Variants in CSPP1 observed in about 807,000 individuals in gnomAD.
The protein encoded by CSPP1 is centrosome and spindle pole-associated protein 1.
CSPP1 carries 126 observed loss-of-function variants against 164.4 expected under a neutral mutation model. The ratio of observed to expected loss-of-function variants is 0.77; its 90% CI spans 0.66 to 0.89. The LOEUF (loss-of-function observed/expected upper bound fraction) is 0.89. Among genes scored for constraint, CSPP1 ranks in the 40% least tolerant of loss-of-function variants. The pLI is 0.00. For synonymous variants in CSPP1, 472 were observed against 476.7 expected, an observed-to-expected ratio of 0.99 and a Z score of 0.13; for missense variants, 1,395 against 1,449.8, an observed-to-expected ratio of 0.96 and a Z score of 0.61.
chr8:67,137,487 A>G lies in CSPP1; in HGVS notation c.1859A>G (p.Glu620Gly). Residue 620 changes from glutamate (E) to glycine (G), a missense_variant, in exon 17 of 31, where the codon GAA (glutamate) becomes GGA (glycine). By Grantham distance (98) the Glu-to-Gly change is moderately conservative. Transcript: ENST00000678616. ...GAAAGAGAAGAAAGAAGGAAGAAAGAACGTGAAGAAAAAGAAGAATATGAA... is the reference window on the plus strand; with the variant it reads ...GAAAGAGAAGAAAGAAGGAAGAAAGGACGTGAAGAAAAAGAAGAATATGAA... ...IREREERRKK[E>G]REEKEEYEAK... 1 of 1,543,398 alleles carries G rather than the reference A, an allele frequency of 6.5e-7. No homozygotes were observed.
At chr8:67,175,851 G>T (rs1272481559) in intron 26 of CSPP1, among the ~76,000 whole-genome samples, 1 of 152,180 alleles carries the variant, frequency 6.6e-6, no homozygotes, top group Non-Finnish European at 1.5e-5. Context: ...TTGATGTGGC[G>T]TAAAATCTGT....
chr8:67,082,103 A>G (rs998587234), intron 3 of CSPP1, among the ~76,000 whole-genome samples: 1 of 152,208 alleles, frequency 6.6e-6, no homozygotes, highest in Non-Finnish European at 1.5e-5. Flanking sequence ...GCTGGAGTGC[A>G]GTGGCGCGAT....
At position 67,086,015 on chromosome 8, in the gene CSPP1, T is replaced by A. The variant is rs371630215; in HGVS notation, c.208T>A (p.Tyr70Asn). 7 of 1,358,588 alleles carry A rather than the reference T, an allele frequency of 5.2e-6. No homozygotes were observed. In the South Asian group the frequency reaches 8.2e-5, roughly 16 times the overall value. The allele number at this position is 1,358,588 out of a possible 1,614,324, so 84.2% of individuals were successfully genotyped here. A position where few individuals can be genotyped will look rare whatever the true frequency, so the allele number is the denominator to read the frequency against. ...QQTRGSLGIDYGLSLPLGEDY... is the reference protein window; with the variant it reads ...QQTRGSLGIDNGLSLPLGEDY... Reference sequence around the variant, plus strand: ...AGTTGTTTTTTTTCTAGGAATTGATTATGGATTAAGTTTACCACTTGGAGA... The same window carrying A: ...AGTTGTTTTTTTTCTAGGAATTGATAATGGATTAAGTTTACCACTTGGAGA... The change falls in exon 4 of 31, where the codon TAT becomes AAT. Residue 70 changes from tyrosine to asparagine, a missense_variant. Transcript: ENST00000678616.
intron 28 of CSPP1, among the ~76,000 whole-genome samples, chr8:67,184,713 G>A (rs1833949861): frequency 6.8e-6 from 1 of 147,104 alleles, no homozygotes; most frequent in Non-Finnish European, 1.5e-5. Flanking sequence ...GACAGAGTGA[G>A]ATTCTGTCTA....
chr8:67,133,289 G>A (rs796542959), intron 16 of CSPP1, among the ~76,000 whole-genome samples: 12 of 152,204 alleles, frequency 7.9e-5, no homozygotes, highest in African/African-American at 2.2e-4. Context: ...ACAACCCTGC[G>A]CTTATACTTA....
chr8:67,193,751 C>T, intron 30 of CSPP1, 149 bp downstream of exon 30: 1 of 567,096 alleles, frequency 1.8e-6, no homozygotes, highest in Non-Finnish European at 2.9e-6. Flanking sequence ...AACTATTGAG[C>T]AAAACCAGAC....
intron 18 of CSPP1, among the ~76,000 whole-genome samples, chr8:67,150,292 G>C (rs1825462463): frequency 6.6e-6 from 1 of 152,030 alleles, no homozygotes; most frequent in African/African-American, 2.4e-5. Flanking sequence ...TTGAATTAGT[G>C]AAACAGTATC....
At chr8:67,172,320 TG>T in intron 24 of CSPP1, 95 bp from the exon 25 acceptor site, 1 of 887,620 alleles carries the variant, frequency 1.1e-6, no homozygotes, top group Non-Finnish European at 1.8e-6. Context: ...TAATATGATG[TG>T]GTGAAAAAGA....
intron 15 of CSPP1, among the ~76,000 whole-genome samples, chr8:67,124,342 G>C (rs1395005698): frequency 6.6e-6 from 1 of 152,018 alleles, no homozygotes; most frequent in Non-Finnish European, 1.5e-5. Flanking sequence ...TAGATTAAGG[G>C]CAACTTAATT....
At chr8:67,075,456 A>G (rs1807722384) in intron 2 of CSPP1, among the ~76,000 whole-genome samples, 1 of 152,218 alleles carries the variant, frequency 6.6e-6, no homozygotes, top group Non-Finnish European at 1.5e-5. Context: ...TTTTACTCAC[A>G]TGGCTAACAT....
At chr8:67,195,324 T>G (rs1837701115) in intron 30 of CSPP1, 58 bp from the exon 31 acceptor site, 2 of 1,055,222 alleles carry the variant, frequency 1.9e-6, no homozygotes, top group Non-Finnish European at 3.0e-6. Flanking sequence ...AGACCTGCGC[T>G]TATGTCTCCT....
chr8:67,175,007 C>A, intron 25 of CSPP1: 1 of 332,172 alleles, frequency 3.0e-6, no homozygotes, highest in African/African-American at 2.1e-5. Context: ...TGGGTGGCAT[C>A]CTGGCAGGGC....
Position 67,111,971 on chromosome 8 carries a change from G to C in CSPP1, c.1094-1G>C. ...TGTATTTTTCTCATACCACTATCTA[G>C]GAGGTGAAGATCGAGAACTTATTCA... is the stretch of plus-strand genomic sequence containing the variant. On this transcript the variant is annotated splice_acceptor_variant, in intron 9 of 30. Transcript: ENST00000678616. LOFTEE classifies it high-confidence loss of function. 1.3e-6 allele frequency: 2 copies of C among 1,590,504 alleles called. No homozygotes were observed. Among genetic ancestry groups the C allele is most frequent in the Non-Finnish European group, 1.7e-6 (2 of 1,161,634 alleles).
intron 4 of CSPP1, among the ~76,000 whole-genome samples, chr8:67,089,304 A>T (rs1811130164): frequency 6.6e-6 from 1 of 152,196 alleles, no homozygotes. Context: ...CACAGAAAAG[A>T]CATGTTCTCA....
In CSPP1 at chr8:67,102,998, GTATGTGGCACATGCTTTATAAGC is replaced by G; in HGVS notation, c.924-36_924-14del. 8.3e-7 allele frequency: 1 copy of G among 1,209,906 alleles called. No homozygotes were observed. The highest frequency in any genetic ancestry group is 1.2e-6 in the Non-Finnish European group (1 of 813,876). The allele number at this position is 1,209,906 out of a possible 1,614,324, so 74.9% of individuals were successfully genotyped here. The stretch of plus-strand genomic sequence containing the variant: ...CCAAACTGTTATAAGAAGGTCCACT[GTATGTGGCACATGCTTTATAAGC>G]TAATGTGTTTTTAAGGATGCACAGG... On this transcript the variant is annotated splice_polypyrimidine_tract_variant and intron_variant, in intron 7 of 30. Transcript: ENST00000678616.
chr8:67,195,390 A>C lies in CSPP1; in HGVS notation c.3478A>C (p.Ser1160Arg), dbSNP rs766814639. Residue 1160 changes from serine to arginine, a missense_variant, in exon 31 of 31, where the codon AGT (serine) becomes CGT (arginine). By Grantham distance (110) the Ser-to-Arg change is moderately radical. Coordinates refer to ENST00000678616, the MANE Select transcript of CSPP1 (RefSeq NM_001382391.1). ...TCCCTTGCCTCCTGTAGATGATGAGAGTTCACTGGTTGACCCTGATGACAT... is the reference window on the plus strand; with the variant it reads ...TCCCTTGCCTCCTGTAGATGATGAGCGTTCACTGGTTGACCCTGATGACAT... ...HNKPINTDDE[S>R]SLVDPDDIMK... 3 of 1,613,198 alleles carry C rather than the reference A, an allele frequency of 1.9e-6. No individual in the cohort carries two copies. The highest frequency in any genetic ancestry group is 3.3e-5 in the Admixed American group (2 of 59,994).
At chr8:67,134,806 A>C (rs1246985653) in intron 16 of CSPP1, 1 of 152,006 alleles carries the variant, frequency 6.6e-6, no homozygotes, top group Non-Finnish European at 1.5e-5. Context: ...CTCGTGATCC[A>C]CCTGCCTCGG....
intron 3 of CSPP1, among the ~76,000 whole-genome samples, chr8:67,084,695 C>T (rs1202027681): frequency 3.3e-5 from 5 of 151,088 alleles, no homozygotes; most frequent in South Asian, 2.1e-4. Flanking sequence ...GCCATGATCA[C>T]GCCACTGCAC....
intron 3 of CSPP1, among the ~76,000 whole-genome samples, chr8:67,080,668 T>G (rs568219588): frequency 3.2e-4 from 49 of 152,340 alleles, no homozygotes; most frequent in African/African-American, 1.2e-3. Flanking sequence ...GTTCAATAAT[T>G]CATAAGAATG....
Sources: gnomAD v4.1 joint callset for allele counts (sites outside exome capture counted in the v4.1 genomes callset) on GRCh38, gnomAD v4.1.1 for gene constraint, MANE v1.5 for transcripts, NCBI Gene and HGNC (gene_info 2026-07-23, HGNC 2026-07-21) for gene names.